UBE2E2: variants seen among roughly 807,000 people sequenced by gnomAD.
The protein encoded by UBE2E2 is ubiquitin conjugating enzyme E2 E2.
In UBE2E2, 6 loss-of-function variants were observed where a neutral mutation model predicts 24.7. The ratio of observed to expected loss-of-function variants is 0.24; its 90% CI spans 0.13 to 0.48. The LOEUF (loss-of-function observed/expected upper bound fraction) is 0.48, where lower values mean the gene tolerates loss of function less well. Ranked by LOEUF, UBE2E2 falls within the 20% of genes least tolerant of loss-of-function variation. The probability of loss-of-function intolerance (pLI) is 0.99; values close to 1 mark genes in which losing one functional copy is unlikely to be tolerated. For synonymous variants in UBE2E2, 104 were observed against 83.6 expected (o/e 1.24, Z -1.33); for missense variants, 169 against 245.0 (o/e 0.69, Z 2.07).
rs1553608066 is a variant in UBE2E2 at position 23,396,303 on chromosome 3, T to TATATA, written c.228-103305_228-103304insATATA. On this transcript the variant is annotated intron_variant, in intron 3 of 5. Transcript: ENST00000396703. ...CCTCATAGTTTCAAGCATTTATTTT[T>TATATA]TATATATATATATATGTATATATAT... Among the ~76,000 whole-genome samples, 365 of 128,026 alleles carry TATATA rather than the reference T, an allele frequency of 2.9e-3. 2 individuals carry two copies. The highest frequency in any genetic ancestry group is 0.02 in the East Asian group (87 of 4,260). The allele number at this position is 128,026 out of a possible 152,430, so 84.0% of individuals were successfully genotyped here. A position where few individuals can be genotyped will look rare whatever the true frequency, so the allele number is the denominator to read the frequency against.
chr3:23,341,679 C>T (rs1322668304), intron 3 of UBE2E2, among the ~76,000 whole-genome samples: 1 of 152,080 alleles, frequency 6.6e-6, no homozygotes, highest in Non-Finnish European at 1.5e-5. Context: ...TAATCATTTC[C>T]CCTCTTTTCT....
At chr3:23,357,825 G>A (rs1178460435) in intron 3 of UBE2E2, among the ~76,000 whole-genome samples, 1 of 147,032 alleles carries the variant, frequency 6.8e-6, no homozygotes, top group South Asian at 2.2e-4. Context: ...GTAAATCTTC[G>A]AAGACGGAAG....
chr3:23,289,273 AG>A (rs1359657627), intron 3 of UBE2E2, among the ~76,000 whole-genome samples: 11 of 152,352 alleles, frequency 7.2e-5, no homozygotes, highest in African/African-American at 2.6e-4. Context: ...TTATTGTTGA[AG>A]CTGAATGAGG....
chr3:23,343,838 T>C (rs1329586445), intron 3 of UBE2E2, among the ~76,000 whole-genome samples: 1 of 152,218 alleles, frequency 6.6e-6, no homozygotes, highest in African/African-American at 2.4e-5. Context: ...ATGTCTGGTT[T>C]CTTCTGCACA....
chr3:23,526,028 A>G (rs1694988776), intron 4 of UBE2E2, among the ~76,000 whole-genome samples: 4 of 152,126 alleles, frequency 2.6e-5, no homozygotes, highest in Admixed American at 2.0e-4. Flanking sequence ...TAGTTTGTTG[A>G]TAAGGTCTAG....
chr3:23,222,787 A>G (rs1465235093), intron 3 of UBE2E2, among the ~76,000 whole-genome samples: 4 of 152,006 alleles, frequency 2.6e-5, no homozygotes, highest in Non-Finnish European at 5.9e-5. Flanking sequence ...TTTGTAAGTA[A>G]CCTTTGTACT....
intron 3 of UBE2E2, among the ~76,000 whole-genome samples, chr3:23,249,714 G>A (rs1318636425): frequency 6.6e-6 from 1 of 151,720 alleles, no homozygotes; most frequent in African/African-American, 2.4e-5. Flanking sequence ...GGAGTGCAGT[G>A]GCATGATCTC....
intron 3 of UBE2E2, among the ~76,000 whole-genome samples, chr3:23,292,121 G>A (rs1206541607): frequency 6.6e-6 from 1 of 152,050 alleles, no homozygotes; most frequent in Admixed American, 6.5e-5. Context: ...GCCTCCCAAA[G>A]TGCTGAGATT....
At chr3:23,258,748 C>T (rs1433901977) in intron 3 of UBE2E2, among the ~76,000 whole-genome samples, 1 of 151,626 alleles carries the variant, frequency 6.6e-6, no homozygotes, top group Non-Finnish European at 1.5e-5. Flanking sequence ...AAAAAATTAG[C>T]CGGGCGTGGT....
At chr3:23,500,249 T>C (rs1157064793) in intron 4 of UBE2E2, among the ~76,000 whole-genome samples, 1 of 152,228 alleles carries the variant, frequency 6.6e-6, no homozygotes, top group African/African-American at 2.4e-5. Context: ...ATGGAAAGTA[T>C]GACCCACAGA....
chr3:23,338,106 T>C (rs1165314411), intron 3 of UBE2E2, among the ~76,000 whole-genome samples: 1 of 152,128 alleles, frequency 6.6e-6, no homozygotes, highest in African/African-American at 2.4e-5. Context: ...ATCACCAAGA[T>C]GGGTAAAACT....
chr3:23,392,038 T>A (rs1374881057), intron 3 of UBE2E2, among the ~76,000 whole-genome samples: 1 of 152,140 alleles, frequency 6.6e-6, no homozygotes, highest in Admixed American at 6.5e-5. Context: ...CTTACATATA[T>A]GTAAGTAAAA....
chr3:23,470,822 AT>A lies in UBE2E2; in HGVS notation c.228-28777del, dbSNP rs913961672. On this transcript the variant is annotated intron_variant, in intron 3 of 5. Coordinates refer to ENST00000396703, the MANE Select transcript of UBE2E2 (RefSeq NM_152653.4). ...AGATTACTTTTATAAAAATATATAT[AT>A]TTTTTTTTGCGTGAACTCCACTTCT... 2.3e-3 allele frequency among the ~76,000 whole-genome samples: 55 copies of A among 23,998 alleles called. No individual in the cohort carries two copies. The African/African-American group carries it at 0.032, about 14-fold the overall frequency. The allele number at this position is 23,998 out of a possible 152,430, so 15.7% of individuals were successfully genotyped here.
At chr3:23,396,303 T>TATATATATATATA (rs1553608066) in intron 3 of UBE2E2, among the ~76,000 whole-genome samples, 1 of 128,042 alleles carries the variant, frequency 7.8e-6, no homozygotes, top group Admixed American at 7.7e-5. Flanking sequence ...CATTTATTTT[T>TATATATATATATA]TATATATATA....
chr3:23,292,391 A>G (rs1311986168), intron 3 of UBE2E2, among the ~76,000 whole-genome samples: 1 of 152,180 alleles, frequency 6.6e-6, no homozygotes, highest in Non-Finnish European at 1.5e-5. Context: ...ATACATGCCC[A>G]TGCTACTTTT....
rs189639530 is a variant in UBE2E2, at chr3:23,398,025, A to G, written c.228-101583A>G. On this transcript the variant is annotated intron_variant, in intron 3 of 5. Coordinates refer to ENST00000396703, the MANE Select transcript of UBE2E2 (RefSeq NM_152653.4). ...TATTGTTCAGTTGAACTCAAAAGAA[A>G]CTTGGGGCCAGGCGCGGTGGCTCAC... Among the ~76,000 whole-genome samples, 87 of 152,176 alleles carry G rather than the reference A, an allele frequency of 5.7e-4. 3 individuals are homozygous for G. The East Asian group carries it at 0.015, about 27-fold the overall frequency.
chr3:23,314,443 T>C (rs888337553), intron 3 of UBE2E2, among the ~76,000 whole-genome samples: 2 of 152,226 alleles, frequency 1.3e-5, no homozygotes, highest in Admixed American at 1.3e-4. Flanking sequence ...GTTATTATTT[T>C]TGTTGGGTTT....
intron 3 of UBE2E2, among the ~76,000 whole-genome samples, chr3:23,470,632 G>A (rs1170139562): frequency 2.0e-5 from 3 of 152,154 alleles, no homozygotes; most frequent in African/African-American, 7.2e-5. Flanking sequence ...TTTGTTCCAA[G>A]TAAATACTTA....
intron 3 of UBE2E2, among the ~76,000 whole-genome samples, chr3:23,361,063 A>G (rs1272991442): frequency 1.3e-5 from 2 of 152,220 alleles, no homozygotes; most frequent in Admixed American, 6.5e-5. Flanking sequence ...AACAGCCAAC[A>G]AAAATATGAA....
Sources: gnomAD v4.1 joint callset for allele counts (sites outside exome capture counted in the v4.1 genomes callset) on GRCh38, gnomAD v4.1.1 for gene constraint, MANE v1.5 for transcripts, NCBI Gene and HGNC (gene_info 2026-07-23, HGNC 2026-07-21) for gene names.